MAP3K7CL: variants seen among roughly 807,000 people sequenced by gnomAD.
MAP3K7CL encodes MAP3K7 C-terminal like, also known as MAP3K7 C-terminal-like protein.
Under a neutral mutation model 18.6 loss-of-function variants are expected in MAP3K7CL, and 16 were observed. The observed-to-expected ratio is 0.86, with a 90% confidence interval of 0.58 to 1.31. MAP3K7CL has a LOEUF of 1.31. MAP3K7CL is among the 50% of genes most tolerant of loss of function. MAP3K7CL has a pLI of 0.00. For synonymous variants in MAP3K7CL, 65 were observed against 66.8 expected (o/e 0.97, Z 0.13); for missense variants, 163 against 174.4 (o/e 0.93, Z 0.37).
At chr21:29,089,619 T>A (rs2085987432) in intron 1 of MAP3K7CL, among the ~76,000 whole-genome samples, 1 of 152,216 alleles carries the variant, frequency 6.6e-6, no homozygotes, top group Non-Finnish European at 1.5e-5. Flanking sequence ...ATTTCTTTAC[T>A]TTGTCTGCCA....
intron 4 of MAP3K7CL, among the ~76,000 whole-genome samples, chr21:29,106,054 G>T (rs1397119345): frequency 6.6e-6 from 1 of 152,070 alleles, no homozygotes; most frequent in Non-Finnish European, 1.5e-5. Context: ...TAATCCCTAG[G>T]CTCTAAGATC....
rs1438242574 is a variant in MAP3K7CL, at chr21:29,165,079, A to T, written c.248+5023A>T. ...CAAATTTAGAAAAAATAAAATAAAA[A>T]AATGAAATCTATTACCAAATTGTTT... On this transcript the variant is annotated intron_variant, in intron 4 of 4. Coordinates refer to ENST00000399928, the MANE Select transcript of MAP3K7CL (RefSeq NM_001286620.2). 1.4e-4 allele frequency among the ~76,000 whole-genome samples: 22 copies of T among 152,238 alleles called. 1 individual carries two copies. Among genetic ancestry groups the T allele is most frequent in the Admixed American group, 1.4e-3 (21 of 15,286 alleles).
chr21:29,108,949 G>A, intron 4 of MAP3K7CL: 1 of 1,136,404 alleles, frequency 8.8e-7, no homozygotes, highest in Non-Finnish European at 1.2e-6. Flanking sequence ...GAATGCTTTG[G>A]TTACAGTCTT....
chr21:29,116,036 A>G (rs564582783), intron 4 of MAP3K7CL, among the ~76,000 whole-genome samples: 7 of 152,218 alleles, frequency 4.6e-5, no homozygotes, highest in Non-Finnish European at 8.8e-5. Context: ...TAGTTTACTT[A>G]TGTATACTCT....
intron 4 of MAP3K7CL, among the ~76,000 whole-genome samples, chr21:29,162,559 T>C (rs757625261): frequency 1.3e-5 from 2 of 150,696 alleles, no homozygotes; most frequent in African/African-American, 4.9e-5. Context: ...GGTGGGCGCA[T>C]GTAATCCCAG....
intron 2 of MAP3K7CL, among the ~76,000 whole-genome samples, chr21:29,144,141 T>C (rs1362049415): frequency 6.6e-6 from 1 of 151,794 alleles, no homozygotes; most frequent in Non-Finnish European, 1.5e-5. Flanking sequence ...ATTCCCCATG[T>C]TTTAGGGAAT....
At chr21:29,149,151 G>T (rs1463743821) in intron 2 of MAP3K7CL, 38 bp from the exon 3 acceptor site, 4 of 1,573,058 alleles carry the variant, frequency 2.5e-6, no homozygotes, top group Non-Finnish European at 3.5e-6. Context: ...ACAAGAAAGA[G>T]CTCCATAGTG....
intron 4 of MAP3K7CL, among the ~76,000 whole-genome samples, chr21:29,107,201 A>G (rs1251904225): frequency 6.6e-6 from 1 of 152,158 alleles, no homozygotes; most frequent in African/African-American, 2.4e-5. Context: ...CTGTAATCCC[A>G]GCTACTCAGG....
intron 1 of MAP3K7CL, among the ~76,000 whole-genome samples, chr21:29,132,873 C>A (rs1260000036): frequency 6.6e-6 from 1 of 152,088 alleles, no homozygotes; most frequent in African/African-American, 2.4e-5. Context: ...ATTAATAATT[C>A]AGATTTAATT....
chr21:29,148,702 A>C (rs943478321), intron 2 of MAP3K7CL, among the ~76,000 whole-genome samples: 1 of 152,128 alleles, frequency 6.6e-6, no homozygotes, highest in Non-Finnish European at 1.5e-5. Flanking sequence ...TTTCTGGTTA[A>C]CTGCCTGTTA....
At chr21:29,083,649 C>T (rs1156832291), upstream of MAP3K7CL, among the ~76,000 whole-genome samples, 9 of 152,074 alleles carry the variant, frequency 5.9e-5, no homozygotes, top group Non-Finnish European at 1.2e-4. Context: ...AAATGTGTAG[C>T]CCATCTCTAC....
chr21:29,142,776 A>AT (rs1051713908), intron 2 of MAP3K7CL, among the ~76,000 whole-genome samples: 7 of 152,206 alleles, frequency 4.6e-5, no homozygotes, highest in African/African-American at 1.7e-4. Flanking sequence ...ATCAATACAA[A>AT]TTTTCAGAGA....
intron 2 of MAP3K7CL, among the ~76,000 whole-genome samples, chr21:29,140,690 T>C (rs2086987388): frequency 6.6e-6 from 1 of 152,206 alleles, no homozygotes; most frequent in Admixed American, 6.5e-5. Context: ...ACTTCTGGTA[T>C]GTTGTGGTAG....
intron 2 of MAP3K7CL, among the ~76,000 whole-genome samples, chr21:29,135,785 A>G (rs1438860757): frequency 6.6e-6 from 1 of 152,092 alleles, no homozygotes; most frequent in Non-Finnish European, 1.5e-5. Flanking sequence ...TTCAAAATCC[A>G]TGGTTTTTAA....
intron 4 of MAP3K7CL, among the ~76,000 whole-genome samples, chr21:29,115,522 A>G (rs775974585): frequency 1.3e-5 from 2 of 152,204 alleles, no homozygotes; most frequent in African/African-American, 4.8e-5. Flanking sequence ...GGTCACAGTC[A>G]TGGCCTGGAT....
intron 3 of MAP3K7CL, among the ~76,000 whole-genome samples, chr21:29,153,769 A>G (rs897601214): frequency 3.9e-5 from 6 of 152,052 alleles, no homozygotes; most frequent in South Asian, 2.1e-4. Flanking sequence ...TTCAGGTCTC[A>G]GCTTCTTTCT....
chr21:29,110,927 C>T (rs1239218192), intron 4 of MAP3K7CL, among the ~76,000 whole-genome samples: 3 of 152,274 alleles, frequency 2.0e-5, no homozygotes, highest in East Asian at 3.9e-4. Flanking sequence ...CATTGTCTCT[C>T]ATTGCTGTTT....
At chr21:29,089,905 G>T (rs1018905983) in intron 1 of MAP3K7CL, among the ~76,000 whole-genome samples, 1 of 149,328 alleles carries the variant, frequency 6.7e-6, no homozygotes, top group African/African-American at 2.6e-5. Flanking sequence ...AAAGGAGAAA[G>T]GAAGGGAGTA....
intron 2 of MAP3K7CL, among the ~76,000 whole-genome samples, chr21:29,143,563 C>T (rs1400993855): frequency 1.3e-5 from 2 of 151,936 alleles, no homozygotes; most frequent in Non-Finnish European, 2.9e-5. Context: ...GCTGGGATTA[C>T]AGGCATGTGC....
Sources: allele counts gnomAD v4.1 joint callset (sites outside exome capture counted in the v4.1 genomes callset), GRCh38; gene constraint gnomAD v4.1.1; transcripts MANE v1.5; gene names NCBI Gene and HGNC (gene_info 2026-07-23, HGNC 2026-07-21).